NREP: variants seen among roughly 807,000 people sequenced by gnomAD.
The protein encoded by NREP is neuronal regeneration related protein, also known as neuronal regeneration-related protein.
Under a neutral mutation model 8.6 loss-of-function variants are expected in NREP, and 5 were observed. The observed-to-expected ratio is 0.58, with a 90% confidence interval of 0.30 to 1.22. The LOEUF (loss-of-function observed/expected upper bound fraction) is 1.22, where lower values mean the gene tolerates loss of function less well. NREP is among the 50% of genes most tolerant of loss of function. The pLI is 0.07. For missense variants in NREP, 86 were observed against 82.5 expected (o/e 1.04, Z -0.17); for synonymous variants, 27 against 28.0 (o/e 0.96, Z 0.11).
chr5:111,974,072 A>T (rs1415087008), intron 2 of NREP, among the ~76,000 whole-genome samples: 1 of 152,108 alleles, frequency 6.6e-6, no homozygotes, highest in Non-Finnish European at 1.5e-5. Context: ...CAAGCTAAAA[A>T]ATGCTCACTG....
intron 2 of NREP, among the ~76,000 whole-genome samples, chr5:111,841,094 T>G (rs1168549560): frequency 6.6e-6 from 1 of 151,400 alleles, no homozygotes; most frequent in Non-Finnish European, 1.5e-5. Flanking sequence ...AGTACAGGAG[T>G]TTTGGAAGAG....
intron 2 of NREP, among the ~76,000 whole-genome samples, chr5:111,937,481 A>G (rs1755715857): frequency 6.6e-6 from 1 of 152,058 alleles, no homozygotes; most frequent in Non-Finnish European, 1.5e-5. Context: ...ACAGCTCTCA[A>G]CACTTACCTC....
intron 2 of NREP, among the ~76,000 whole-genome samples, chr5:111,768,051 G>A (rs909295929): frequency 1.3e-5 from 2 of 152,134 alleles, no homozygotes; most frequent in African/African-American, 2.4e-5. Flanking sequence ...ATGTCCACAA[G>A]GATGTCCTTC....
chr5:111,906,269 T>C (rs1754775868), intron 2 of NREP, among the ~76,000 whole-genome samples: 1 of 152,098 alleles, frequency 6.6e-6, no homozygotes. Flanking sequence ...TCTTATTGTA[T>C]TCTAATACAT....
At chr5:111,882,569 G>A (rs1209439983) in intron 2 of NREP, among the ~76,000 whole-genome samples, 5 of 152,138 alleles carry the variant, frequency 3.3e-5, no homozygotes, top group Non-Finnish European at 7.3e-5. Context: ...AATGTTAAGG[G>A]CAGCCAGAGA....
At chr5:111,740,500 A>G (rs1385620719) in intron 2 of NREP, among the ~76,000 whole-genome samples, 1 of 151,896 alleles carries the variant, frequency 6.6e-6, no homozygotes, top group East Asian at 1.9e-4. Context: ...TACTCTTTGG[A>G]CAGTGCATCA....
intron 2 of NREP, among the ~76,000 whole-genome samples, chr5:111,878,473 G>A (rs1208502706): frequency 1.3e-5 from 2 of 152,142 alleles, no homozygotes; most frequent in Non-Finnish European, 2.9e-5. Flanking sequence ...CAGCACGGGG[G>A]ACACTGCATC....
At chr5:111,919,515 C>T (rs1241935786) in intron 2 of NREP, among the ~76,000 whole-genome samples, 8 of 152,060 alleles carry the variant, frequency 5.3e-5, no homozygotes, top group Non-Finnish European at 7.4e-5. Flanking sequence ...AAATGTGGCA[C>T]ATATACACCA....
upstream of NREP, among the ~76,000 whole-genome samples, chr5:111,758,585 T>C (rs1750873216): frequency 6.6e-6 from 1 of 152,138 alleles, no homozygotes; most frequent in Admixed American, 6.5e-5. Context: ...AAATTGCCTT[T>C]CCAAGAAAAA....
chr5:111,837,509 T>G (rs1235678332), intron 2 of NREP, among the ~76,000 whole-genome samples: 1 of 152,100 alleles, frequency 6.6e-6, no homozygotes, highest in East Asian at 1.9e-4. Context: ...TTGTCATCAT[T>G]CATGGTAGCT....
At chr5:111,792,048 A>G (rs752736796) in intron 2 of NREP, among the ~76,000 whole-genome samples, 47 of 152,242 alleles carry the variant, frequency 3.1e-4, no homozygotes, top group African/African-American at 7.2e-5. Context: ...TGTTGTTATT[A>G]TCACATAAAT....
chr5:111,841,873 G>C (rs1753038643), intron 2 of NREP, among the ~76,000 whole-genome samples: 1 of 152,034 alleles, frequency 6.6e-6, no homozygotes, highest in Non-Finnish European at 1.5e-5. Flanking sequence ...CATGCTTTTT[G>C]AATCTTATAG....
chr5:111,855,191 G>C (rs536410630), intron 2 of NREP, among the ~76,000 whole-genome samples: 156 of 152,224 alleles, frequency 1.0e-3, no homozygotes, highest in African/African-American at 3.3e-3. Context: ...TTTTCAAAGG[G>C]TCAGGTAGAC....
intron 2 of NREP, among the ~76,000 whole-genome samples, chr5:111,819,243 T>A (rs1390069988): frequency 6.6e-6 from 1 of 152,180 alleles, no homozygotes; most frequent in Non-Finnish European, 1.5e-5. Flanking sequence ...ACCTGTTCTC[T>A]AACCACCCTT....
At chr5:111,892,768 G>A (rs1754424754) in intron 2 of NREP, among the ~76,000 whole-genome samples, 1 of 152,050 alleles carries the variant, frequency 6.6e-6, no homozygotes, top group East Asian at 1.9e-4. Flanking sequence ...ATGAGGAGAG[G>A]CTCTGGAGAC....
intron 2 of NREP, among the ~76,000 whole-genome samples, chr5:111,840,895 A>G (rs1753014370): frequency 1.3e-5 from 2 of 152,144 alleles, no homozygotes; most frequent in African/African-American, 4.8e-5. Context: ...GGTGTGAAAG[A>G]GAAAGAGATT....
chr5:111,765,502 A>C (rs2112867347), intron 2 of NREP, among the ~76,000 whole-genome samples: 1 of 152,342 alleles, frequency 6.6e-6, no homozygotes, highest in Non-Finnish European at 1.5e-5. Context: ...CCCTTGCATC[A>C]ATTCTGTGAC....
intron 2 of NREP, among the ~76,000 whole-genome samples, chr5:111,798,544 G>C (rs1170252492): frequency 1.3e-5 from 2 of 151,980 alleles, no homozygotes; most frequent in Non-Finnish European, 2.9e-5. Flanking sequence ...AGTCCCCAAA[G>C]TCCAATATTT....
At chr5:111,916,249 CGA>C (rs561426602) in intron 2 of NREP, among the ~76,000 whole-genome samples, 3 of 151,650 alleles carry the variant, frequency 2.0e-5, no homozygotes, top group South Asian at 4.2e-4. Context: ...CCAGGACTAC[CGA>C]GAGAGAGAGA....
Sources: gnomAD v4.1 joint callset for allele counts (sites outside exome capture counted in the v4.1 genomes callset) on GRCh38, gnomAD v4.1.1 for gene constraint, MANE v1.5 for transcripts, NCBI Gene and HGNC (gene_info 2026-07-23, HGNC 2026-07-21) for gene names.